Variants in BOLL observed in about 807,000 individuals in gnomAD.
BOLL encodes protein boule-like.
Under a neutral mutation model 44.4 loss-of-function variants are expected in BOLL, and 23 were observed. That is an observed-to-expected ratio of 0.52 (90% CI 0.37 to 0.73). The LOEUF is 0.73. Ranked by LOEUF, BOLL falls within the 30% of genes least tolerant of loss-of-function variation. BOLL has a pLI of 0.00. For missense variants in BOLL, 287 were observed against 338.3 expected (o/e 0.85, Z 1.19); for synonymous variants, 97 against 110.8 (o/e 0.88, Z 0.78).
intron 9 of BOLL, 102 bp downstream of exon 9, chr2:197,756,326 A>G: frequency 9.2e-7 from 1 of 1,083,594 alleles, no homozygotes; most frequent in Non-Finnish European, 1.2e-6. Flanking sequence ...ACAAAGATGA[A>G]GCAGTTTCAA....
chr2:197,762,150 C>A (rs971261055), intron 7 of BOLL, among the ~76,000 whole-genome samples: 1 of 152,068 alleles, frequency 6.6e-6, no homozygotes, highest in African/African-American at 2.4e-5. Flanking sequence ...TCGAGACCGG[C>A]CTGACCAATA....
chr2:197,742,946 C>G (rs781596055), intron 10 of BOLL, 115 bp downstream of exon 10: 2 of 599,970 alleles, frequency 3.3e-6, no homozygotes, highest in Non-Finnish European at 5.3e-6. Flanking sequence ...TTCTGTACTT[C>G]TGATCACAAG....
chr2:197,760,289 G>A (rs957753099), intron 7 of BOLL, among the ~76,000 whole-genome samples: 1 of 151,986 alleles, frequency 6.6e-6, no homozygotes, highest in Non-Finnish European at 1.5e-5. Flanking sequence ...TTGTGCACCT[G>A]CATCCTGAGC....
intron 7 of BOLL, among the ~76,000 whole-genome samples, chr2:197,760,178 C>T (rs754967211): frequency 7.9e-5 from 12 of 152,186 alleles, no homozygotes; most frequent in South Asian, 4.1e-4. Flanking sequence ...CTCACAGAAA[C>T]GTTTCCAGGC....
intron 6 of BOLL, among the ~76,000 whole-genome samples, chr2:197,770,475 A>T (rs918291217): frequency 9.2e-5 from 14 of 152,186 alleles, no homozygotes; most frequent in African/African-American, 3.1e-4. Flanking sequence ...AGCCATGGCC[A>T]CAAATCCAAA....
chr2:197,771,732 T>C (rs1192088516), intron 6 of BOLL, 123 bp downstream of exon 6: 1 of 1,158,220 alleles, frequency 8.6e-7, no homozygotes, highest in Non-Finnish European at 1.2e-6. Context: ...TGATGTCTAT[T>C]TAATTTGGTT....
chr2:197,734,567 C>G (rs925630388), intron 10 of BOLL, among the ~76,000 whole-genome samples: 1 of 152,080 alleles, frequency 6.6e-6, no homozygotes, highest in African/African-American at 2.4e-5. Flanking sequence ...CCCAAATGTC[C>G]AACAATGATA....
At chr2:197,780,409 T>C (rs1032817823) in intron 2 of BOLL, among the ~76,000 whole-genome samples, 3 of 152,060 alleles carry the variant, frequency 2.0e-5, no homozygotes, top group African/African-American at 4.8e-5. Flanking sequence ...GTGCATGCTG[T>C]AGCTGATGGG....
At chr2:197,766,111 G>A (rs1387881350) in intron 7 of BOLL, among the ~76,000 whole-genome samples, 1 of 151,960 alleles carries the variant, frequency 6.6e-6, no homozygotes, top group Non-Finnish European at 1.5e-5. Context: ...GGCATTCCAT[G>A]TCTTTGCTAT....
intron 10 of BOLL, among the ~76,000 whole-genome samples, chr2:197,730,148 G>A (rs1311688758): frequency 1.2e-4 from 15 of 129,632 alleles, no homozygotes; most frequent in South Asian, 2.7e-4. Context: ...ACCAAGGCTC[G>A]AGAACTACGT....
chr2:197,732,597 A>G (rs1361351578), intron 10 of BOLL, among the ~76,000 whole-genome samples: 4 of 151,344 alleles, frequency 2.6e-5, no homozygotes, highest in African/African-American at 4.8e-5. Context: ...CAGCACATCA[A>G]AAAGCTTATC....
At chr2:197,733,898 A>G (rs1209869328) in intron 10 of BOLL, among the ~76,000 whole-genome samples, 1 of 152,194 alleles carries the variant, frequency 6.6e-6, no homozygotes, top group African/African-American at 2.4e-5. Flanking sequence ...AGACATAGGC[A>G]TGGGCAAGGA....
At chr2:197,734,739 C>T (rs1687398717) in intron 10 of BOLL, among the ~76,000 whole-genome samples, 1 of 152,082 alleles carries the variant, frequency 6.6e-6, no homozygotes, top group Non-Finnish European at 1.5e-5. Flanking sequence ...TGTTCTCACT[C>T]ATAGGTGGGA....
At chr2:197,785,586 C>T (rs1010322388), upstream of BOLL, among the ~76,000 whole-genome samples, 2 of 152,220 alleles carry the variant, frequency 1.3e-5, no homozygotes, top group African/African-American at 2.4e-5. The surrounding 1 kb of genome is among the most constrained non-coding windows in gnomAD (Gnocchi z 6.7). Context: ...CTGGCAACTC[C>T]TCGCCTTGGG....
chr2:197,771,461 C>T (rs912534074), intron 6 of BOLL, among the ~76,000 whole-genome samples: 7 of 151,612 alleles, frequency 4.6e-5, no homozygotes, highest in South Asian at 2.1e-4. Context: ...CAAACCTGCA[C>T]GTTGTGCACA....
At chr2:197,775,485 C>CA (rs5837555) in intron 5 of BOLL, among the ~76,000 whole-genome samples, 180 bp downstream of exon 5, 109,377 of 151,192 alleles carry the variant, frequency 0.72, 40,687 homozygotes, top group African/African-American at 0.9. Context: ...TTTTCCCAGC[C>CA]AAAAAAATTG....
chr2:197,743,031 C>G, intron 10 of BOLL, 30 bp downstream of exon 10: 1 of 1,491,214 alleles, frequency 6.7e-7, no homozygotes, highest in East Asian at 2.3e-5. Flanking sequence ...GGAAGAAAAA[C>G]AAAGTAAAAA....
chr2:197,781,825 G>T lies in BOLL; in HGVS notation c.26C>A (p.Ser9Tyr), dbSNP rs141986181. 1,948 of 1,604,112 alleles carry T rather than the reference G, an allele frequency of 1.2e-3. 4 individuals are homozygous for T. The highest frequency in any genetic ancestry group is 1.9e-3 in the South Asian group (172 of 89,420). The change falls in exon 2 of 11, where the codon TCC becomes TAC. Residue 9 changes from serine (S) to tyrosine (Y), a missense_variant. Physicochemically the swap from Ser to Tyr is moderately radical, Grantham distance 144 (BLOSUM62 -2). Coordinates refer to ENST00000392296, the MANE Select transcript of BOLL (RefSeq NM_033030.6). MQTDSLSPSPNPVSPVPLN... is the reference protein window; with the variant it reads MQTDSLSPYPNPVSPVPLN... ...AGGCACAGGTGACACAGGATTAGGG[G>T]ATGGAGATAATGAATCTGTTTGCAT...
At chr2:197,772,131 T>G in intron 5 of BOLL, 149 bp from the exon 6 acceptor site, 2 of 620,962 alleles carry the variant, frequency 3.2e-6, no homozygotes, top group Non-Finnish European at 4.8e-6. Flanking sequence ...AAAAAATTCC[T>G]TATGTCAAAG....
Sources: allele counts gnomAD v4.1 joint callset (sites outside exome capture counted in the v4.1 genomes callset), GRCh38; gene constraint gnomAD v4.1.1; non-coding constraint Gnocchi (gnomAD v3.1); transcripts MANE v1.5; gene names NCBI Gene and HGNC (gene_info 2026-07-23, HGNC 2026-07-21).